Variants in SCN8A observed in about 807,000 individuals in gnomAD.
SCN8A encodes the protein sodium voltage-gated channel alpha subunit 8, also known as sodium channel protein type 8 subunit alpha.
A neutral mutation model predicts 184.1 loss-of-function variants in SCN8A; 30 were observed. The observed-to-expected ratio is 0.16, with a 90% CI of 0.12 to 0.22. SCN8A has a LOEUF of 0.22. SCN8A is among the 10% of genes least tolerant of loss of function. The pLI is 1.00. For synonymous variants in SCN8A, 852 were observed against 907.0 expected, an observed-to-expected ratio of 0.94 and a Z score of 1.09; for missense variants, 1,057 against 2,498.9, an observed-to-expected ratio of 0.42 and a Z score of 12.30.
chr12:51,728,499 T>A (rs1942189056), intron 12 of SCN8A, among the ~76,000 whole-genome samples: 1 of 152,174 alleles, frequency 6.6e-6, no homozygotes, highest in Non-Finnish European at 1.5e-5. Context: ...TTTGGGAGGC[T>A]GAGGCAGGAA....
intron 1 of SCN8A, among the ~76,000 whole-genome samples, chr12:51,592,792 G>T (rs1939257696): frequency 1.3e-5 from 2 of 152,070 alleles, no homozygotes; most frequent in African/African-American, 4.8e-5. Flanking sequence ...AGAGCCTTTA[G>T]AGAGAGGTAG....
Position 51,705,403 on chromosome 12 carries a change from C to G in SCN8A, c.1135-14C>G, listed in dbSNP as rs1436240014. On this transcript the variant is annotated splice_polypyrimidine_tract_variant and intron_variant, in intron 9 of 26. Transcript: ENST00000627620. ...TGGTACAAGTGACTCAGAAAATGGC[C>G]TTTGTCTTTGCAGACTTTACGAGCA... 6.2e-7 allele frequency: 1 copy of G among 1,613,156 alleles called. No individual in the cohort carries two copies. Among genetic ancestry groups the G allele is most frequent in the Non-Finnish European group, 8.5e-7 (1 of 1,179,394 alleles).
chr12:51,789,524 C>A, intron 24 of SCN8A, 106 bp downstream of exon 24: 1 of 1,263,110 alleles, frequency 7.9e-7, no homozygotes, highest in Non-Finnish European at 1.1e-6. Flanking sequence ...TCTCTAAAAT[C>A]TATATTGTTA....
chr12:51,653,528 A>G (rs1940761293), intron 1 of SCN8A, among the ~76,000 whole-genome samples: 1 of 152,184 alleles, frequency 6.6e-6, no homozygotes, highest in Non-Finnish European at 1.5e-5. Flanking sequence ...AGCTACATAA[A>G]TATTTCATTA....
chr12:51,647,188 GA>G (rs1399401511), intron 1 of SCN8A, among the ~76,000 whole-genome samples: 7 of 150,900 alleles, frequency 4.6e-5, no homozygotes, highest in African/African-American at 9.7e-5. Context: ...TGAATTAAAG[GA>G]AAAAAAAATA....
At chr12:51,694,577 C>G (rs1305764958) in intron 6 of SCN8A, among the ~76,000 whole-genome samples, 3 of 152,214 alleles carry the variant, frequency 2.0e-5, no homozygotes, top group Non-Finnish European at 2.9e-5. Context: ...CAAGAGTTCT[C>G]ACTGTCCAAT....
intron 1 of SCN8A, among the ~76,000 whole-genome samples, chr12:51,645,076 TG>T (rs1243627877): frequency 3.6e-4 from 46 of 129,234 alleles, no homozygotes; most frequent in African/African-American, 1.3e-3. Context: ...GGGAGGGAGG[TG>T]GGGGGATCAG....
At chr12:51,772,675 C>A (rs1281085900) in intron 19 of SCN8A, among the ~76,000 whole-genome samples, 2 of 151,898 alleles carry the variant, frequency 1.3e-5, no homozygotes, top group Non-Finnish European at 2.9e-5. Flanking sequence ...CCCTGTCCCC[C>A]CCACTGCCTG....
At position 51,705,969 on chromosome 12, in the gene SCN8A, A is replaced by G. The variant is rs140950643; in HGVS notation, c.1341+346A>G. Among the ~76,000 whole-genome samples, 637 of 152,340 alleles carry G rather than the reference A, an allele frequency of 4.2e-3. 5 individuals carry two copies. Among genetic ancestry groups the G allele is most frequent in the African/African-American group, 0.014 (594 of 41,570 alleles). ...AATGTTAAGATTCCTGTGGTCATAA[A>G]AAGTATTATTTCTAATTAAAAAGAA... On this transcript the variant is annotated intron_variant, in intron 10 of 26. Coordinates refer to ENST00000627620, the MANE Select transcript of SCN8A (RefSeq NM_001330260.2).
chr12:51,686,275 G>T, intron 3 of SCN8A, 93 bp from the exon 4 acceptor site: 2 of 763,474 alleles, frequency 2.6e-6, no homozygotes, highest in Non-Finnish European at 4.5e-6. Flanking sequence ...TCAGGTTATT[G>T]ATTTAGATCT....
chr12:51,747,751 G>A (rs1023995282), intron 13 of SCN8A, among the ~76,000 whole-genome samples: 1 of 152,002 alleles, frequency 6.6e-6, no homozygotes, highest in African/African-American at 2.4e-5. Flanking sequence ...TACTGAGTTG[G>A]ATACAAACCA....
intron 2 of SCN8A, among the ~76,000 whole-genome samples, chr12:51,663,886 A>T (rs1423023058): frequency 7.1e-6 from 1 of 141,214 alleles, no homozygotes; most frequent in Non-Finnish European, 1.5e-5. Flanking sequence ...CGTTTTAGGG[A>T]ACCCCTCATT....
rs1555219117 is a variant in SCN8A, at chr12:51,702,779, C to A, written c.999C>A (p.Cys333Ter). ...LCGNSSDAGQ[C>*]PEGYQCMKAG... Reference sequence around the variant, plus strand: ...CTTCCCTTTCTTTCTTTAGGCAATGCCCAGAGGGATACCAGTGTATGAAAG... The same window carrying A: ...CTTCCCTTTCTTTCTTTAGGCAATGACCAGAGGGATACCAGTGTATGAAAG... Residue 333 changes from cysteine (C) to a stop codon, truncating the protein, a stop_gained, in exon 9 of 27, where the codon TGC becomes TGA. Coordinates refer to ENST00000627620, the MANE Select transcript of SCN8A (RefSeq NM_001330260.2). LOFTEE classifies it high-confidence loss of function. 6.2e-7 allele frequency: 1 copy of A among 1,602,606 alleles called. No homozygotes were observed. Among genetic ancestry groups the A allele is most frequent in the Non-Finnish European group, 8.5e-7 (1 of 1,173,566 alleles).
rs1371954387 is a variant in SCN8A at position 51,796,073 on chromosome 12, A to G, written c.4795+1432A>G. Among the ~76,000 whole-genome samples, 5 of 111,946 alleles carry G rather than the reference A, an allele frequency of 4.5e-5. No individual in the cohort carries two copies. The Admixed American group carries it at 5.2e-4, about 12-fold the overall frequency. The allele number at this position is 111,946 out of a possible 152,430, so 73.4% of individuals were successfully genotyped here. On this transcript the variant is annotated intron_variant, in intron 26 of 26. Transcript: ENST00000627620. ...ATAAAGAATTCTGTTTAAATGTAAC[A>G]TAGCATCCCACCTTTATTAGACCAG...
chr12:51,651,480 G>A (rs1940713496), intron 1 of SCN8A, among the ~76,000 whole-genome samples: 1 of 152,230 alleles, frequency 6.6e-6, no homozygotes, highest in African/African-American at 2.4e-5. Flanking sequence ...TGGGATTACA[G>A]GCATGAGCCA....
At chr12:51,592,795 A>T (rs1381529671) in intron 1 of SCN8A, among the ~76,000 whole-genome samples, 2 of 151,730 alleles carry the variant, frequency 1.3e-5, no homozygotes, top group South Asian at 2.1e-4. Context: ...GCCTTTAGAG[A>T]GAGGTAGCAG....
At chr12:51,731,945 A>G (rs1486146381) in intron 12 of SCN8A, among the ~76,000 whole-genome samples, 1 of 152,014 alleles carries the variant, frequency 6.6e-6, no homozygotes, top group African/African-American at 2.4e-5. Flanking sequence ...GAGTTCTTGG[A>G]GCTCCTTATA....
At chr12:51,725,601 G>A (rs1166737632) in intron 12 of SCN8A, among the ~76,000 whole-genome samples, 1 of 152,068 alleles carries the variant, frequency 6.6e-6, no homozygotes, top group East Asian at 1.9e-4. Flanking sequence ...TAGTGACTTG[G>A]GAATTGGACC....
rs1938803507 is a variant in SCN8A at position 51,808,973 on chromosome 12, C to G, written c.*1544C>G. 6.6e-6 allele frequency: 1 copy of G among 152,170 alleles called. No homozygotes were observed. Among genetic ancestry groups the G allele is most frequent in the African/African-American group, 2.4e-5 (1 of 41,428 alleles). The allele number at this position is 152,170 out of a possible 1,614,324, so 9.4% of individuals were successfully genotyped here. ...GGTGAGACCTGAGGTAGAGATGGAG[C>G]CGCCTCTGAACCAAGCCCACTTGGT... On this transcript the variant is annotated 3_prime_UTR_variant, in exon 27 of 27. Coordinates refer to ENST00000627620, the MANE Select transcript of SCN8A (RefSeq NM_001330260.2).
Sources: allele counts gnomAD v4.1 joint callset (sites outside exome capture counted in the v4.1 genomes callset), GRCh38; gene constraint gnomAD v4.1.1; transcripts MANE v1.5; gene names NCBI Gene and HGNC (gene_info 2026-07-23, HGNC 2026-07-21).